The following FER1L6 variants were observed in gnomAD, a reference collection of about 807,000 sequenced individuals.
FER1L6 encodes fer-1-like protein 6.
In FER1L6, 177 loss-of-function variants were observed where a neutral mutation model predicts 219.2. The observed-to-expected ratio is 0.81, with a 90% CI of 0.71 to 0.91. The LOEUF (loss-of-function observed/expected upper bound fraction) is 0.91, where lower values mean the gene tolerates loss of function less well. Among genes scored for constraint, FER1L6 ranks in the 40% least tolerant of loss-of-function variants. FER1L6 has a pLI of 0.00. For synonymous variants in FER1L6, 768 were observed against 824.3 expected, an observed-to-expected ratio of 0.93 and a Z score of 1.17; for missense variants, 2,153 against 2,259.9, an observed-to-expected ratio of 0.95 and a Z score of 0.96.
intron 33 of FER1L6, among the ~76,000 whole-genome samples, chr8:124,085,852 G>A (rs1821766059): frequency 6.6e-6 from 1 of 152,086 alleles, no homozygotes; most frequent in Admixed American, 6.5e-5. Context: ...GTATTGGGGT[G>A]TATCTCTCTC....
At chr8:123,946,452 C>T (rs1471796658) in intron 1 of FER1L6, among the ~76,000 whole-genome samples, 1 of 152,112 alleles carries the variant, frequency 6.6e-6, no homozygotes, top group African/African-American at 2.4e-5. Context: ...CAGGGTTTTG[C>T]CATGTTGGCC....
At chr8:123,906,797 C>T (rs1173965063) in intron 1 of FER1L6, among the ~76,000 whole-genome samples, 1 of 127,324 alleles carries the variant, frequency 7.9e-6, no homozygotes, top group Non-Finnish European at 1.7e-5. Context: ...AGCAAGACTT[C>T]ATCTCCGGAA....
chr8:123,885,701 T>C (rs942505964), intron 1 of FER1L6, among the ~76,000 whole-genome samples: 3 of 152,148 alleles, frequency 2.0e-5, no homozygotes, highest in Admixed American at 1.3e-4. Context: ...TTGTAATCAG[T>C]ATGTGGCTCT....
chr8:124,060,657 A>C lies in FER1L6; in HGVS notation c.3095A>C (p.Gln1032Pro), dbSNP rs1281211128. 1.9e-6 allele frequency: 3 copies of C among 1,614,140 alleles called. No homozygotes were observed. Among genetic ancestry groups the C allele is most frequent in the Non-Finnish European group, 2.5e-6 (3 of 1,179,986 alleles). ...CAAGGTGTGAAGTCCTGCGTGATCC[A>C]GAGCTACAAGAACAACCCGAACTTC... ...GGQGVKSCVIQSYKNNPNFSI... is the reference protein window; with the variant it reads ...GGQGVKSCVIPSYKNNPNFSI... The change falls in exon 24 of 41, where the codon CAG becomes CCG. Residue 1032 changes from glutamine (Q) to proline (P), a missense_variant. Gln to Pro is a moderately conservative substitution (Grantham distance 76, BLOSUM62 -1). Transcript: ENST00000522917.
At chr8:124,099,799 T>C (rs1822476013) in intron 37 of FER1L6, among the ~76,000 whole-genome samples, 2 of 152,168 alleles carry the variant, frequency 1.3e-5, no homozygotes, top group Non-Finnish European at 2.9e-5. Flanking sequence ...TCCAGCCTCA[T>C]TTCATACCAC....
At position 124,035,281 on chromosome 8, in the gene FER1L6, C is replaced by T; in HGVS notation, c.2291C>T (p.Pro764Leu). ...GKIKTHFLKP[P>L]GKRPAGWSVQ... ...TTTTTTGTAACCTTTCTCCAGCCTC[C>T]TGGGAAACGACCGGCTGGTTGGTCT... Residue 764 changes from proline (P) to leucine (L), a missense_variant, in exon 19 of 41, where the codon CCT becomes CTT. Pro to Leu is a moderately conservative substitution (Grantham distance 98). Transcript: ENST00000522917. 1.2e-6 allele frequency: 2 copies of T among 1,613,230 alleles called. No individual in the cohort carries two copies. Among genetic ancestry groups the T allele is most frequent in the Non-Finnish European group, 1.7e-6 (2 of 1,179,606 alleles).
chr8:124,021,358 T>C (rs1020193855), intron 16 of FER1L6, among the ~76,000 whole-genome samples, 192 bp from the exon 17 acceptor site: 2 of 152,090 alleles, frequency 1.3e-5, no homozygotes, highest in East Asian at 1.9e-4. Context: ...AGAGGTGAGA[T>C]GATATTACAG....
intron 24 of FER1L6, chr8:124,060,922 C>A (rs1820537929): frequency 2.3e-6 from 1 of 442,396 alleles, no homozygotes; most frequent in Non-Finnish European, 3.9e-6. Context: ...GGTTGACAAA[C>A]TTTTTCCTAT....
At chr8:123,959,989 G>A (rs557977530) in intron 2 of FER1L6, among the ~76,000 whole-genome samples, 2 of 152,246 alleles carry the variant, frequency 1.3e-5, no homozygotes, top group South Asian at 4.1e-4. Context: ...GAAATTCTGG[G>A]TGACTTGTTC....
At chr8:123,865,722 C>T (rs950122283) in intron 1 of FER1L6, among the ~76,000 whole-genome samples, 3 of 151,252 alleles carry the variant, frequency 2.0e-5, no homozygotes, top group African/African-American at 7.4e-5. Context: ...GCGCAATATT[C>T]GGGTGGGAGT....
chr8:123,880,272 C>G (rs116322986), intron 1 of FER1L6, among the ~76,000 whole-genome samples: 9 of 152,136 alleles, frequency 5.9e-5, no homozygotes, highest in Non-Finnish European at 1.0e-4. Flanking sequence ...ACCAACCGAG[C>G]CTTCTTCTAA....
At chr8:123,900,897 G>A (rs374245597) in intron 1 of FER1L6, among the ~76,000 whole-genome samples, 15 of 152,044 alleles carry the variant, frequency 9.9e-5, no homozygotes, top group East Asian at 1.9e-4. Context: ...TGTTGGATTC[G>A]GTTAGCTAGT....
chr8:124,042,341 T>C (rs909567154), intron 20 of FER1L6, among the ~76,000 whole-genome samples: 2 of 152,266 alleles, frequency 1.3e-5, no homozygotes, highest in African/African-American at 4.8e-5. Flanking sequence ...TTAATAATAA[T>C]AGCTGCTATT....
chr8:123,854,152 C>G (rs1057063470), intron 1 of FER1L6, among the ~76,000 whole-genome samples: 2 of 152,168 alleles, frequency 1.3e-5, no homozygotes, highest in Non-Finnish European at 1.5e-5. Flanking sequence ...GCAATTATAA[C>G]ATAAACAATG....
At position 124,035,460 on chromosome 8, in the gene FER1L6, GT is replaced by G; in HGVS notation, c.2464+7del. The G allele has an allele frequency of 6.2e-7, 1 of 1,610,276 alleles. No homozygotes were observed. Among genetic ancestry groups the G allele is most frequent in the African/African-American group, 1.3e-5 (1 of 74,920 alleles). ...ATCTAACCTGCTCTACCAAGGTAGG[GT>G]CCCCACTGGGCAAAGAGGGTCATTC... On this transcript the variant is annotated splice_region_variant and intron_variant, in intron 19 of 40. Transcript: ENST00000522917.
At chr8:123,921,779 G>A (rs1192976025) in intron 1 of FER1L6, among the ~76,000 whole-genome samples, 1 of 152,080 alleles carries the variant, frequency 6.6e-6, no homozygotes, top group Non-Finnish European at 1.5e-5. Flanking sequence ...ACCACAGGGC[G>A]GCTGTGGGGA....
intron 1 of FER1L6, among the ~76,000 whole-genome samples, chr8:123,899,580 C>G (rs553685124): frequency 1.2e-4 from 18 of 152,012 alleles, no homozygotes; most frequent in Non-Finnish European, 2.4e-4. Context: ...TCATGAAATC[C>G]TTGCCTAAGC....
chr8:123,915,685 G>A (rs962776383), intron 1 of FER1L6, among the ~76,000 whole-genome samples: 1 of 152,192 alleles, frequency 6.6e-6, no homozygotes, highest in Non-Finnish European at 1.5e-5. Context: ...AAATTTGAGT[G>A]TTGCAGGTAT....
chr8:124,060,371 G>A, intron 23 of FER1L6, 81 bp downstream of exon 23: 4 of 1,458,858 alleles, frequency 2.7e-6, no homozygotes, highest in South Asian at 2.3e-5. Context: ...GAGGTGATAT[G>A]GAATGGGCGG....
Sources: gnomAD v4.1 joint callset for allele counts (sites outside exome capture counted in the v4.1 genomes callset) on GRCh38, gnomAD v4.1.1 for gene constraint, MANE v1.5 for transcripts, NCBI Gene and HGNC (gene_info 2026-07-23, HGNC 2026-07-21) for gene names.